CHST4: variants seen among roughly 807,000 people sequenced by gnomAD.
CHST4 encodes the protein carbohydrate sulfotransferase 4, also known as GST-3.
For missense variants in CHST4, 466 were observed against 506.0 expected (o/e 0.92, Z 0.76); for synonymous variants, 171 against 195.5 (o/e 0.87, Z 1.05).
rs753717064 is a variant in CHST4, at chr16:71,537,731, G to A, written c.1054G>A (p.Asp352Asn). Residue 352 changes from aspartate to asparagine, a missense_variant, in exon 2 of 2, where the codon GAT (aspartate) becomes AAT (asparagine). Coordinates refer to ENST00000539698, the MANE Select transcript of CHST4 (RefSeq NM_001166395.2). This position sits in a 1 kb window ranked among gnomAD's most constrained non-coding sequence, Gnocchi z 4.2. ...TTCTCGACTTCAGAAAGCCTGTGGC[G>A]ATGCCATGAATTTGCTGGGCTACCG... The part of the protein sequence containing the change: ...KVSRLQKACG[D>N]AMNLLGYRHV... The A allele has an allele frequency of 9.9e-6, 16 of 1,614,072 alleles. No individual in the cohort carries two copies. In the Admixed American group the frequency reaches 1.3e-4, roughly 13 times the overall value.
At chr16:71,526,818 C>A (rs2043911988) in intron 1 of CHST4, among the ~76,000 whole-genome samples, 1 of 152,134 alleles carries the variant, frequency 6.6e-6, no homozygotes, top group South Asian at 2.1e-4. Context: ...GGCTTTGGAG[C>A]TCAAATTTCT....
chr16:71,535,236 G>A (rs780273239), intron 1 of CHST4, among the ~76,000 whole-genome samples: 5 of 152,140 alleles, frequency 3.3e-5, no homozygotes, highest in Admixed American at 6.5e-5. Flanking sequence ...GCAGTGGCGC[G>A]ATCTCGGCTT....
intron 1 of CHST4, among the ~76,000 whole-genome samples, chr16:71,531,510 T>C (rs984554470): frequency 8.5e-5 from 13 of 152,174 alleles, no homozygotes; most frequent in African/African-American, 2.9e-4. Flanking sequence ...AGGATTTCCA[T>C]GGGAGTTCCT....
At chr16:71,531,307 G>T (rs2043946768) in intron 1 of CHST4, among the ~76,000 whole-genome samples, 1 of 152,108 alleles carries the variant, frequency 6.6e-6, no homozygotes, top group Admixed American at 6.5e-5. Context: ...TGCCTCTGCT[G>T]CTCATTACAG....
chr16:71,534,992 C>T (rs947445252), intron 1 of CHST4, among the ~76,000 whole-genome samples: 2 of 152,184 alleles, frequency 1.3e-5, no homozygotes, highest in African/African-American at 2.4e-5. Flanking sequence ...TTTGGAATAA[C>T]ATTCTAGCAT....
At chr16:71,534,485 G>A (rs4297683) in intron 1 of CHST4, among the ~76,000 whole-genome samples, 5,880 of 150,938 alleles carry the variant, frequency 0.039, 384 homozygotes, top group African/African-American at 0.14. Context: ...AGCCTCCCAC[G>A]TAGCTGGGAT....
chr16:71,527,841 A>G (rs756877780), intron 1 of CHST4, among the ~76,000 whole-genome samples: 11 of 152,172 alleles, frequency 7.2e-5, no homozygotes, highest in Non-Finnish European at 1.5e-4. Context: ...GGAAGCCTTC[A>G]GATAGCAGGC....
chr16:71,534,032 C>T (rs1337102134), intron 1 of CHST4, among the ~76,000 whole-genome samples: 1 of 149,908 alleles, frequency 6.7e-6, no homozygotes, highest in Admixed American at 6.6e-5. Flanking sequence ...CAGAGCAAGA[C>T]CCCATCTCAA....
rs561504798 is a variant in CHST4 at position 71,537,864 on chromosome 16, C to G, written c.*26C>G. 11 of 1,578,350 alleles carry G rather than the reference C, an allele frequency of 7.0e-6. No individual in the cohort carries two copies. The South Asian group carries it at 9.4e-5, about 14-fold the overall frequency. ...GAGGGTTGAGAAGGCTTTGCTGCCA[C>G]CTGGTGTCAGCCTCAGTCACTTTCT... On this transcript the variant is annotated 3_prime_UTR_variant, in exon 2 of 2. Transcript: ENST00000539698. This position sits in a 1 kb window ranked among gnomAD's most constrained non-coding sequence, Gnocchi z 4.2.
chr16:71,527,749 A>C (rs983060241), intron 1 of CHST4, among the ~76,000 whole-genome samples: 1 of 152,050 alleles, frequency 6.6e-6, no homozygotes, highest in African/African-American at 2.4e-5. Context: ...CATCTCAAAA[A>C]AGAAAAAAGA....
chr16:71,528,924 C>G (rs1371073523), intron 1 of CHST4, among the ~76,000 whole-genome samples: 1 of 152,176 alleles, frequency 6.6e-6, no homozygotes, highest in Admixed American at 6.5e-5. Context: ...TCCCTTCTCA[C>G]CACCCTTTGG....
Position 71,536,752 on chromosome 16 carries a change from C to G in CHST4, c.75C>G (p.His25Gln), listed in dbSNP as rs749168271. The change falls in exon 2 of 2, where the codon CAC (histidine) becomes CAG (glutamine). Residue 25 changes from histidine to glutamine, a missense_variant. Physicochemically the swap from His to Gln is conservative, Grantham distance 24. Transcript: ENST00000539698. ...TGGCCATCTTGGCTCTATTCTTCCA[C>G]ATGTACAGCCACAACATCAGCTCCC... ...SQMAILALFF[H>Q]MYSHNISSLS... 6 of 1,507,962 alleles carry G rather than the reference C, an allele frequency of 4.0e-6. No homozygotes were observed. In the East Asian group the frequency reaches 1.4e-4, roughly 35 times the overall value. 93.4% of individuals were successfully genotyped at this position (1,507,962 alleles called of 1,614,324 possible).
Position 71,529,543 on chromosome 16 carries a change from A to ATTTTTTT in CHST4, c.-19+3073_-19+3079dup, listed in dbSNP as rs1157747412. The stretch of plus-strand genomic sequence containing the variant: ...ACTGTGCCTCTTCCCATGCTCATCT[A>ATTTTTTT]TTTTTTTTTTTTTTTTTTTTTTTTT... On this transcript the variant is annotated intron_variant, in intron 1 of 1. Coordinates refer to ENST00000539698, the MANE Select transcript of CHST4 (RefSeq NM_001166395.2). 2.9e-3 allele frequency among the ~76,000 whole-genome samples: 122 copies of ATTTTTTT among 41,366 alleles called. 29 individuals carry two copies. Among genetic ancestry groups the ATTTTTTT allele is most frequent in the East Asian group, 8.2e-3 (10 of 1,224 alleles). 27.1% of individuals were successfully genotyped at this position (41,366 alleles called of 152,430 possible). A position where few individuals can be genotyped will look rare whatever the true frequency, so the allele number is the denominator to read the frequency against.
Position 71,537,183 on chromosome 16 carries a change from G to T in CHST4, c.506G>T (p.Arg169Leu), listed in dbSNP as rs375170120. The T allele has an allele frequency of 1.2e-6, 2 of 1,614,108 alleles. No homozygotes were observed. The highest frequency in any genetic ancestry group is 1.3e-5 in the African/African-American group (1 of 75,030). The part of the protein sequence containing the change: ...QPFEVVEKAC[R>L]SYSHVVLKEV... The stretch of plus-strand genomic sequence containing the variant: ...TTTGAGGTGGTGGAGAAGGCCTGCC[G>T]CTCCTACAGCCACGTGGTGCTCAAG... Residue 169 changes from arginine to leucine, a missense_variant, in exon 2 of 2, where the codon CGC becomes CTC. By Grantham distance (102) the Arg-to-Leu change is moderately radical (BLOSUM62 -2). Transcript: ENST00000539698. This position sits in a 1 kb window ranked among gnomAD's most constrained non-coding sequence, Gnocchi z 4.2.
intron 1 of CHST4, among the ~76,000 whole-genome samples, chr16:71,529,812 C>T (rs1174952772): frequency 6.6e-6 from 1 of 152,114 alleles, no homozygotes; most frequent in Non-Finnish European, 1.5e-5. Context: ...CTTTTACTGT[C>T]AAAAGGGATG....
Position 71,537,179 on chromosome 16 carries a change from T to G in CHST4, c.502T>G (p.Cys168Gly). 6 of 1,614,160 alleles carry G rather than the reference T, an allele frequency of 3.7e-6. No individual in the cohort carries two copies. Among genetic ancestry groups the G allele is most frequent in the Non-Finnish European group, 5.1e-6 (6 of 1,180,026 alleles). The change falls in exon 2 of 2, where the codon TGC (cysteine) becomes GGC (glycine). Residue 168 changes from cysteine to glycine, a missense_variant. Transcript: ENST00000539698. This position sits in a 1 kb window ranked among gnomAD's most constrained non-coding sequence, Gnocchi z 4.2. The part of the protein sequence containing the change: ...QQPFEVVEKA[C>G]RSYSHVVLKE... ...GCCCTTTGAGGTGGTGGAGAAGGCC[T>G]GCCGCTCCTACAGCCACGTGGTGCT...
At chr16:71,536,175 T>G (rs2043986567) in intron 1 of CHST4, among the ~76,000 whole-genome samples, 1 of 152,150 alleles carries the variant, frequency 6.6e-6, no homozygotes, top group South Asian at 2.1e-4. Flanking sequence ...TCCCTTATGA[T>G]GGAGGGATGG....
In CHST4 at chr16:71,537,067, G is replaced by T. The variant is rs977508376; in HGVS notation, c.390G>T (p.Arg130=). ...GCCTCTTTCAGTGGGAGAACAGCCG[G>T]GCCCTGTGTTCTGCACCTGCCTGTG... The part of the protein sequence containing the change: ...QSSLFQWENS[R]ALCSAPACDI... Residue 130 remains arginine (R), a synonymous_variant, in exon 2 of 2, where the codon CGG becomes CGT. Coordinates refer to ENST00000539698, the MANE Select transcript of CHST4 (RefSeq NM_001166395.2). This position sits in a 1 kb window ranked among gnomAD's most constrained non-coding sequence, Gnocchi z 4.2. The T allele has an allele frequency of 7.4e-6, 12 of 1,613,986 alleles. No homozygotes were observed. In the African/African-American group the frequency reaches 1.6e-4, roughly 22 times the overall value.
At chr16:71,533,753 C>T (rs1410619071) in intron 1 of CHST4, among the ~76,000 whole-genome samples, 1 of 152,018 alleles carries the variant, frequency 6.6e-6, no homozygotes, top group Non-Finnish European at 1.5e-5. Flanking sequence ...CATAAGATTT[C>T]CCCTCCAGGC....
Sources: gnomAD v4.1 joint callset for allele counts (sites outside exome capture counted in the v4.1 genomes callset) on GRCh38, gnomAD v4.1.1 for gene constraint, Gnocchi (gnomAD v3.1) non-coding constraint, MANE v1.5 for transcripts, NCBI Gene and HGNC (gene_info 2026-07-23, HGNC 2026-07-21) for gene names.